Variants in GSK3B observed in about 807,000 individuals in gnomAD.
GSK3B encodes the protein glycogen synthase kinase-3 beta.
In GSK3B, 15 loss-of-function variants were observed where a neutral mutation model predicts 56.4. That is an observed-to-expected ratio of 0.27 (90% CI 0.18 to 0.41). The LOEUF is 0.41. Among genes scored for constraint, GSK3B ranks in the 10% least tolerant of loss-of-function variants. The pLI is 1.00. For synonymous variants in GSK3B, 181 were observed against 188.9 expected (o/e 0.96, Z 0.34); for missense variants, 300 against 513.4 (o/e 0.58, Z 4.02).
chr3:119,989,099 C>G (rs1487915113), intron 2 of GSK3B, among the ~76,000 whole-genome samples: 1 of 152,158 alleles, frequency 6.6e-6, no homozygotes, highest in Admixed American at 6.5e-5. Flanking sequence ...GATGTTTCAG[C>G]AGACGCTGCC....
At chr3:119,847,446 C>T (rs1396046219) in intron 9 of GSK3B, among the ~76,000 whole-genome samples, 1 of 152,086 alleles carries the variant, frequency 6.6e-6, no homozygotes, top group African/African-American at 2.4e-5. Context: ...TGCCATTGCA[C>T]TTCAGCCTGG....
rs527393071 is a variant in GSK3B, at chr3:119,853,230, T to G, written c.1097-9877A>C. 2.6e-5 allele frequency among the ~76,000 whole-genome samples: 4 copies of G among 152,274 alleles called. No homozygotes were observed. In the East Asian group the frequency reaches 7.7e-4, roughly 29 times the overall value. On this transcript the variant is annotated intron_variant, in intron 9 of 10. Transcript: ENST00000264235. ...GTCAGGTTTGTCAAAGATCAGATGG[T>G]TGTAGATTGTGATATTATTTCTGAG...
chr3:119,975,679 T>C (rs1436346291), intron 2 of GSK3B, among the ~76,000 whole-genome samples: 6 of 152,196 alleles, frequency 3.9e-5, no homozygotes, highest in South Asian at 2.1e-4. Context: ...ACTCTAATAG[T>C]AGATACATGT....
intron 8 of GSK3B, among the ~76,000 whole-genome samples, chr3:119,865,463 TA>T (rs1240973775): frequency 2.4e-3 from 48 of 19,938 alleles, no homozygotes; most frequent in African/African-American, 5.0e-3. Flanking sequence ...TATATATATA[TA>T]TATTTTTTTT....
intron 2 of GSK3B, among the ~76,000 whole-genome samples, chr3:119,989,929 G>C (rs2057548761): frequency 6.6e-6 from 1 of 152,122 alleles, no homozygotes; most frequent in Admixed American, 6.5e-5. Context: ...TAGTCAGCAG[G>C]AAGTAGCCAG....
At chr3:119,919,867 C>T (rs905840380) in intron 4 of GSK3B, among the ~76,000 whole-genome samples, 4 of 151,310 alleles carry the variant, frequency 2.6e-5, no homozygotes, top group East Asian at 3.9e-4. Context: ...CACACACACA[C>T]GAAAATATGG....
At chr3:120,031,723 T>A (rs1344017026) in intron 1 of GSK3B, among the ~76,000 whole-genome samples, 1 of 152,244 alleles carries the variant, frequency 6.6e-6, no homozygotes, top group Non-Finnish European at 1.5e-5. Flanking sequence ...AAGCCTATAC[T>A]CTTTCCACTA....
rs187399828 is a variant in GSK3B, at chr3:120,091,023, A to C, written c.88+2324T>G. 3.9e-5 allele frequency among the ~76,000 whole-genome samples: 6 copies of C among 152,144 alleles called. No individual in the cohort carries two copies. The East Asian group carries it at 1.2e-3, about 29-fold the overall frequency. ...CCAGTTCAAGTTACCACCTCCTTTA[A>C]CATCAGTCCTAATACACCTTGTCCG... On this transcript the variant is annotated intron_variant, in intron 1 of 10. Coordinates refer to ENST00000264235, the MANE Select transcript of GSK3B (RefSeq NM_001146156.2).
At chr3:119,980,634 G>A (rs148775668) in intron 2 of GSK3B, among the ~76,000 whole-genome samples, 2,757 of 152,244 alleles carry the variant, frequency 0.018, 92 homozygotes, top group African/African-American at 0.063. Flanking sequence ...CATTACAGGC[G>A]TGAGACACCG....
intron 3 of GSK3B, among the ~76,000 whole-genome samples, chr3:119,946,708 A>G (rs189115242): frequency 3.7e-4 from 56 of 152,332 alleles, no homozygotes; most frequent in Non-Finnish European, 4.4e-5. Context: ...TTAACAGCAC[A>G]AAGTCTTCTT....
At chr3:119,969,777 G>A (rs1016002810) in intron 2 of GSK3B, among the ~76,000 whole-genome samples, 2 of 152,090 alleles carry the variant, frequency 1.3e-5, no homozygotes, top group African/African-American at 4.8e-5. Flanking sequence ...ATTTATCCAC[G>A]GTTTCATTTT....
chr3:119,973,298 A>G (rs188633067), intron 2 of GSK3B, among the ~76,000 whole-genome samples: 1 of 152,312 alleles, frequency 6.6e-6, no homozygotes, highest in Non-Finnish European at 1.5e-5. Flanking sequence ...TTTAAATTGC[A>G]CACTGTTCTG....
At chr3:119,980,649 C>G in intron 2 of GSK3B, among the ~76,000 whole-genome samples, 1 of 152,160 alleles carries the variant, frequency 6.6e-6, no homozygotes, top group East Asian at 1.9e-4. Flanking sequence ...ACACCGCACC[C>G]AGCCTTGTGT....
chr3:119,838,327 G>A (rs2055724530), intron 10 of GSK3B, among the ~76,000 whole-genome samples: 1 of 151,956 alleles, frequency 6.6e-6, no homozygotes, highest in South Asian at 2.1e-4. Context: ...ATTGATAGTA[G>A]TATGGGTAAT....
At chr3:119,979,716 C>G (rs892230790) in intron 2 of GSK3B, among the ~76,000 whole-genome samples, 1 of 152,184 alleles carries the variant, frequency 6.6e-6, no homozygotes, top group Non-Finnish European at 1.5e-5. Context: ...CTGTGTCTTG[C>G]AACTCTTGGT....
chr3:119,879,743 A>T (rs1173387353), intron 7 of GSK3B, among the ~76,000 whole-genome samples: 1 of 152,134 alleles, frequency 6.6e-6, no homozygotes, highest in East Asian at 1.9e-4. Flanking sequence ...AGAATATGCG[A>T]AGTTTGTCTG....
chr3:119,949,201 A>G (rs1044672141), intron 2 of GSK3B, among the ~76,000 whole-genome samples: 1 of 152,246 alleles, frequency 6.6e-6, no homozygotes, highest in Admixed American at 6.5e-5. Context: ...ACAGAAGTTG[A>G]TAAGATTGTG....
intron 10 of GSK3B, among the ~76,000 whole-genome samples, chr3:119,829,471 T>G (rs1394373585): frequency 1.3e-5 from 2 of 152,234 alleles, no homozygotes; most frequent in Admixed American, 1.3e-4. Flanking sequence ...TATCTATCTG[T>G]TTGACCACTA....
intron 1 of GSK3B, among the ~76,000 whole-genome samples, chr3:120,012,592 T>C (rs1284939453): frequency 1.3e-5 from 2 of 152,176 alleles, no homozygotes; most frequent in Non-Finnish European, 1.5e-5. Context: ...CTTAAATACA[T>C]AAACCAGAAT....
Sources: gnomAD v4.1 joint callset for allele counts (sites outside exome capture counted in the v4.1 genomes callset) on GRCh38, gnomAD v4.1.1 for gene constraint, MANE v1.5 for transcripts, NCBI Gene and HGNC (gene_info 2026-07-23, HGNC 2026-07-21) for gene names.